Variants in FANCE observed in about 807,000 individuals in gnomAD.
The protein encoded by FANCE is Fanconi anemia group E protein.
Under a neutral mutation model 57.8 loss-of-function variants are expected in FANCE, and 42 were observed. That is an observed-to-expected ratio of 0.73 (90% CI 0.57 to 0.94). The LOEUF is 0.94. Among genes scored for constraint, FANCE ranks in the 40% least tolerant of loss-of-function variants. The pLI is 0.00. For missense variants in FANCE, 608 were observed against 661.8 expected (o/e 0.92, Z 0.89); for synonymous variants, 251 against 286.4 (o/e 0.88, Z 1.25).
chr6:35,458,209 T>C, intron 4 of FANCE, 88 bp from the exon 5 acceptor site: 2 of 1,558,818 alleles, frequency 1.3e-6, no homozygotes, highest in African/African-American at 2.7e-5. Flanking sequence ...TTTGCCCTGC[T>C]CTGTCTGCTG....
In FANCE at chr6:35,452,557, G is replaced by A. The variant is rs2150885362; in HGVS notation, c.12G>A (p.Pro4=). Reference sequence around the variant, plus strand: ...ACCCGTGCCCCGGCATGGCGACACCGGACGCGGGGCTCCCTGGGGCTGAGG... The same window carrying A: ...ACCCGTGCCCCGGCATGGCGACACCAGACGCGGGGCTCCCTGGGGCTGAGG... The part of the protein sequence containing the change: MAT[P]DAGLPGAEGV... The change falls in exon 1 of 10, where the codon CCG becomes CCA. Residue 4 remains proline, a synonymous_variant. Coordinates refer to ENST00000229769, the MANE Select transcript of FANCE (RefSeq NM_021922.3). 6.8e-6 allele frequency: 9 copies of A among 1,327,840 alleles called. No individual in the cohort carries two copies. Among genetic ancestry groups the A allele is most frequent in the South Asian group, 2.1e-5 (1 of 47,568 alleles). The allele number at this position is 1,327,840 out of a possible 1,614,324, so 82.3% of individuals were successfully genotyped here.
intron 9 of FANCE, among the ~76,000 whole-genome samples, chr6:35,464,222 A>G: frequency 6.8e-6 from 1 of 146,302 alleles, no homozygotes; most frequent in South Asian, 2.1e-4. Context: ...TCAAAAATAG[A>G]GACAGGGTCT....
Position 35,452,769 on chromosome 6 carries a change from A to AGGGGACGG in FANCE, c.228_229insACGGGGGG (p.Pro77ThrfsTer10). ...CTGTGCCGGGAGGAGCCGGTCGTGCAGGGGCCTGACGGCCGTCTGGAGCTG... is the reference window on the plus strand; with the variant it reads ...CTGTGCCGGGAGGAGCCGGTCGTGCAGGGGACGGGGGGCCTGACGGCCGTCTGGAGCTG... On this transcript the variant is annotated frameshift_variant, in exon 1 of 10. Transcript: ENST00000229769. LOFTEE classifies it high-confidence loss of function. The AGGGGACGG allele has an allele frequency of 7.7e-7, 1 of 1,291,666 alleles. No individual in the cohort carries two copies. The highest frequency in any genetic ancestry group is 3.7e-5 in the Admixed American group (1 of 27,178). The allele number at this position is 1,291,666 out of a possible 1,614,324, so 80.0% of individuals were successfully genotyped here.
chr6:35,462,896 G>A lies in FANCE; in HGVS notation c.1491G>A (p.Met497Ile). 6.2e-7 allele frequency: 1 copy of A among 1,614,222 alleles called. No homozygotes were observed. The highest frequency in any genetic ancestry group is 8.5e-7 in the Non-Finnish European group (1 of 1,180,042). Residue 497 changes from methionine to isoleucine, a missense_variant, in exon 9 of 10, where the codon ATG becomes ATA. Transcript: ENST00000229769. ...MAYAKLMLTV[M>I]TKYQANITET... ...ATGCCAAGCTCATGCTGACAGTGATGACCAAGTATCAGGCTAACGTGAGTA... is the reference window on the plus strand; with the variant it reads ...ATGCCAAGCTCATGCTGACAGTGATAACCAAGTATCAGGCTAACGTGAGTA...
chr6:35,460,308 A>C (rs375341451), intron 7 of FANCE, among the ~76,000 whole-genome samples: 5 of 152,172 alleles, frequency 3.3e-5, no homozygotes, highest in Admixed American at 2.6e-4. Context: ...TAGAGACGGG[A>C]TTTCACCATG....
intron 1 of FANCE, 86 bp downstream of exon 1, chr6:35,452,879 C>T: frequency 8.2e-7 from 1 of 1,222,148 alleles, no homozygotes; most frequent in Non-Finnish European, 1.0e-6. Context: ...AAATAAGCCC[C>T]TTCAGCGACG....
chr6:35,452,392 C>A lies in FANCE; in HGVS notation c.-154C>A. 1.2e-6 allele frequency: 1 copy of A among 844,748 alleles called. No homozygotes were observed. The highest frequency in any genetic ancestry group is 1.6e-6 in the Non-Finnish European group (1 of 645,014). The allele number at this position is 844,748 out of a possible 1,614,324, so 52.3% of individuals were successfully genotyped here. A position where few individuals can be genotyped will look rare whatever the true frequency, so the allele number is the denominator to read the frequency against. ...TGCGGCTTCGGGCGGCCGGGTTTCTCCGGTCTCCCAACGCCGAGGAGAGCT... is the reference window on the plus strand; with the variant it reads ...TGCGGCTTCGGGCGGCCGGGTTTCTACGGTCTCCCAACGCCGAGGAGAGCT... On this transcript the variant is annotated 5_prime_UTR_variant, in exon 1 of 10. Coordinates refer to ENST00000229769, the MANE Select transcript of FANCE (RefSeq NM_021922.3).
rs1325485232 is a variant in FANCE, at chr6:35,456,570, A to C, written c.855+217A>C. On this transcript the variant is annotated intron_variant, in intron 2 of 9. Coordinates refer to ENST00000229769, the MANE Select transcript of FANCE (RefSeq NM_021922.3). This position sits in a 1 kb window ranked among gnomAD's most constrained non-coding sequence, Gnocchi z 4.3. ...GCTCTTGTTGCCCAGGCTGGAGTTC[A>C]ATGGCATGATCTCAGCTCACCGCAA... Among the ~76,000 whole-genome samples the C allele has an allele frequency of 2.6e-5, 4 of 151,724 alleles. No homozygotes were observed. The highest frequency in any genetic ancestry group is 5.9e-5 in the Non-Finnish European group (4 of 67,966).
At position 35,460,636 on chromosome 6, in the gene FANCE, G is replaced by C. The variant is rs1387924028; in HGVS notation, c.1383+18G>C. 1 of 1,611,464 alleles carries C rather than the reference G, an allele frequency of 6.2e-7. No homozygotes were observed. On this transcript the variant is annotated intron_variant, in intron 8 of 9. Transcript: ENST00000229769. ...AGCGGCAGGTGAGCAGGCTGCCCTGGGGAAGAGTGGACAAAGAAGTGCTGC... is the reference window on the plus strand; with the variant it reads ...AGCGGCAGGTGAGCAGGCTGCCCTGCGGAAGAGTGGACAAAGAAGTGCTGC...
intron 4 of FANCE, 65 bp from the exon 5 acceptor site, chr6:35,458,232 A>G (rs1433259447): frequency 1.3e-6 from 2 of 1,594,974 alleles, no homozygotes; most frequent in East Asian, 4.5e-5. Context: ...CAGTTGCTTG[A>G]GACAGCCTAG....
chr6:35,457,689 A>G (rs1767404679), intron 3 of FANCE, 89 bp downstream of exon 3: 1 of 1,450,248 alleles, frequency 6.9e-7, no homozygotes, highest in African/African-American at 1.4e-5. Context: ...ATGCAGTGAT[A>G]TACAAGCTGG....
chr6:35,462,729 G>T, intron 8 of FANCE, 60 bp from the exon 9 acceptor site: 1 of 1,611,298 alleles, frequency 6.2e-7, no homozygotes, highest in Admixed American at 1.7e-5. Flanking sequence ...ATCCAGGACT[G>T]GCTGAATGAA....
Position 35,456,106 on chromosome 6 carries a change from A to T in FANCE, c.608A>T (p.Asp203Val). The T allele has an allele frequency of 1.2e-6, 2 of 1,614,038 alleles. No individual in the cohort carries two copies. Among genetic ancestry groups the T allele is most frequent in the Non-Finnish European group, 1.7e-6 (2 of 1,180,006 alleles). ...DSQQPGKRRK[D>V]SEEEAASPEG... ...CAGCAGCCTGGGAAACGCAGAAAGG[A>T]CTCAGAGGAAGAGGCTGCCAGTCCT... is the stretch of plus-strand genomic sequence containing the variant. The change falls in exon 2 of 10, where the codon GAC (aspartate) becomes GTC (valine). Residue 203 changes from aspartate to valine, a missense_variant. Physicochemically the swap from Asp to Val is radical, Grantham distance 152. Transcript: ENST00000229769. The surrounding 1 kb of genome is among the most constrained non-coding windows in gnomAD (Gnocchi z 4.3).
chr6:35,454,076 T>TG (rs1202125502), intron 1 of FANCE, among the ~76,000 whole-genome samples: 1 of 151,914 alleles, frequency 6.6e-6, no homozygotes, highest in African/African-American at 2.4e-5. Flanking sequence ...TGTTTTGTTT[T>TG]TTTTTTTGAC....
chr6:35,455,531 G>A (rs1437589365), intron 1 of FANCE, among the ~76,000 whole-genome samples: 6 of 152,046 alleles, frequency 3.9e-5, no homozygotes, highest in Non-Finnish European at 1.5e-5. Flanking sequence ...TGCAGGTCTT[G>A]AACTCTTAAC....
chr6:35,459,816 G>A, intron 7 of FANCE, 56 bp downstream of exon 7: 1 of 1,499,162 alleles, frequency 6.7e-7, no homozygotes, highest in African/African-American at 1.4e-5. Flanking sequence ...CCAGGCTAGA[G>A]TGACATCACA....
chr6:35,460,023 T>C (rs754941504), intron 7 of FANCE, among the ~76,000 whole-genome samples: 11 of 151,358 alleles, frequency 7.3e-5, no homozygotes, highest in Non-Finnish European at 1.5e-4. Flanking sequence ...GCTCTTGAGG[T>C]TGTGACCTCC....
In FANCE at chr6:35,458,273, T is replaced by C. The variant is rs759421142; in HGVS notation, c.970-24T>C. The C allele has an allele frequency of 1.1e-5, 17 of 1,612,490 alleles. No homozygotes were observed. In the Admixed American group the frequency reaches 2.8e-4, roughly 27 times the overall value. The stretch of plus-strand genomic sequence containing the variant: ...GCAGAGTGCATGTCCCGGTGTCCTC[T>C]CTCCCCCCGCACTCTGTAAGCAGAT... On this transcript the variant is annotated intron_variant, in intron 4 of 9. Transcript: ENST00000229769.
At chr6:35,463,234 G>C (rs1323665526) in intron 9 of FANCE, among the ~76,000 whole-genome samples, 2 of 152,166 alleles carry the variant, frequency 1.3e-5, no homozygotes, top group African/African-American at 4.8e-5. Context: ...GGGAGGTGGA[G>C]GTTGCAGTGA....
Sources: allele counts gnomAD v4.1 joint callset (sites outside exome capture counted in the v4.1 genomes callset), GRCh38; gene constraint gnomAD v4.1.1; non-coding constraint Gnocchi (gnomAD v3.1); transcripts MANE v1.5; gene names NCBI Gene and HGNC (gene_info 2026-07-23, HGNC 2026-07-21).